ADGRV1: variants seen among roughly 807,000 people sequenced by gnomAD.
ADGRV1 encodes G-protein coupled receptor 98.
A neutral mutation model predicts 596.2 loss-of-function variants in ADGRV1; 359 were observed. That is an observed-to-expected ratio of 0.60 (90% confidence interval 0.55 to 0.66). The LOEUF is 0.66. Ranked by LOEUF, ADGRV1 falls within the 30% of genes least tolerant of loss-of-function variation. The pLI, the probability that ADGRV1 is intolerant of heterozygous loss-of-function variation, is 0.00. For missense variants in ADGRV1, 7,274 were observed against 7,575.6 expected (o/e 0.96, Z 1.48); for synonymous variants, 2,681 against 2,679.2 (o/e 1.00, Z -0.02).
intron 21 of ADGRV1, among the ~76,000 whole-genome samples, chr5:90,665,334 A>G (rs1771141376): frequency 6.6e-6 from 1 of 151,870 alleles, no homozygotes; most frequent in South Asian, 2.1e-4. Context: ...TTCCTGGTTT[A>G]GTCTTGGGAG....
At chr5:91,086,665 T>C (rs1373132417) in intron 86 of ADGRV1, among the ~76,000 whole-genome samples, 2 of 152,190 alleles carry the variant, frequency 1.3e-5, no homozygotes, top group Non-Finnish European at 2.9e-5. Flanking sequence ...CTACTAGAGA[T>C]TCTGTCTCTA....
chr5:90,852,112 A>G (rs1766588711), intron 79 of ADGRV1, among the ~76,000 whole-genome samples: 1 of 152,172 alleles, frequency 6.6e-6, no homozygotes, highest in Non-Finnish European at 1.5e-5. Flanking sequence ...GTGTTTCAAT[A>G]GGAGACATGG....
Position 91,150,145 on chromosome 5 carries a change from C to A in ADGRV1, c.18548C>A (p.Thr6183Lys). Reference protein sequence around the residue: ...GHPGPSTAFFTPGSGMPPAGG... With the variant: ...GHPGPSTAFFKPGSGMPPAGG... ...CCTGGACCCAGCACAGCCTTTTTCA[C>A]GCCCGGGAGTGGAATGCCTCCTGCT... The change falls in exon 88 of 90, where the codon ACG (threonine) becomes AAG (lysine). Residue 6183 changes from threonine (T) to lysine (K), a missense_variant. Transcript: ENST00000405460. 1.9e-6 allele frequency: 3 copies of A among 1,594,358 alleles called. No homozygotes were observed. The highest frequency in any genetic ancestry group is 2.6e-6 in the Non-Finnish European group (3 of 1,171,304).
intron 84 of ADGRV1, among the ~76,000 whole-genome samples, chr5:90,975,353 A>G (rs1213645189): frequency 6.6e-6 from 1 of 152,198 alleles, no homozygotes; most frequent in African/African-American, 2.4e-5. Context: ...GTTACTGGGT[A>G]TATACCCAAA....
intron 1 of ADGRV1, among the ~76,000 whole-genome samples, chr5:90,607,142 CTCAG>C (rs1762202811): frequency 6.6e-6 from 1 of 152,142 alleles, no homozygotes; most frequent in South Asian, 2.1e-4. Context: ...ACAGTTGCAA[CTCAG>C]TTTTGGAGCC....
At chr5:90,654,988 G>C (rs552155628) in intron 20 of ADGRV1, 2 of 152,088 alleles carry the variant, frequency 1.3e-5, no homozygotes, top group Non-Finnish European at 2.9e-5. Flanking sequence ...TGTTATTTTT[G>C]TACTTTGTAA....
At chr5:90,934,945 C>T (rs1405610966) in intron 83 of ADGRV1, among the ~76,000 whole-genome samples, 1 of 152,146 alleles carries the variant, frequency 6.6e-6, no homozygotes, top group Non-Finnish European at 1.5e-5. Flanking sequence ...ATGAGGGCCC[C>T]ACCTTCATAA....
chr5:90,874,067 G>T (rs1768976161), intron 83 of ADGRV1, among the ~76,000 whole-genome samples: 1 of 151,964 alleles, frequency 6.6e-6, no homozygotes, highest in African/African-American at 2.4e-5. Context: ...AAAACTTTTT[G>T]GTGTCTTCCT....
chr5:90,932,875 C>T (rs1775377294), intron 83 of ADGRV1, among the ~76,000 whole-genome samples: 1 of 151,976 alleles, frequency 6.6e-6, no homozygotes, highest in African/African-American at 2.4e-5. Flanking sequence ...AGCAACAAGA[C>T]TGTATAAAAA....
rs1429300842 is a variant in ADGRV1 at position 90,596,048 on chromosome 5, G to T, written c.23-18787G>T. ...ACTTCTCATACGGGGTGGCTGCCGG[G>T]CGGAGGGTCTCCTCACTTCTCAGAC... On this transcript the variant is annotated intron_variant, in intron 1 of 89. Transcript: ENST00000405460. Among the ~76,000 whole-genome samples the T allele has an allele frequency of 1.1e-4, 17 of 150,186 alleles. No homozygotes were observed. The East Asian group carries it at 1.8e-3, about 16-fold the overall frequency.
intron 64 of ADGRV1, chr5:90,779,655 T>C (rs756579391): frequency 2.6e-5 from 4 of 152,194 alleles, no homozygotes; most frequent in Non-Finnish European, 5.9e-5. Flanking sequence ...AATGAGTCTC[T>C]TTCATTCCCT....
In ADGRV1 at chr5:90,684,955, C is replaced by T. The variant is rs115531384; in HGVS notation, c.6274+760C>T. On this transcript the variant is annotated intron_variant, in intron 28 of 89. Transcript: ENST00000405460. ...GCAGCTAGTTTTTGAGGTCAAGGAA[C>T]TAAATTAGTTTCCTACTCAATCTTG... Among the ~76,000 whole-genome samples the T allele has an allele frequency of 1.5e-3, 230 of 152,268 alleles. 1 individual carries two copies. Among genetic ancestry groups the T allele is most frequent in the African/African-American group, 5.4e-3 (224 of 41,542 alleles).
chr5:91,111,284 A>G (rs1476039574), intron 87 of ADGRV1, among the ~76,000 whole-genome samples: 4 of 151,922 alleles, frequency 2.6e-5, no homozygotes, highest in African/African-American at 7.3e-5. Context: ...CTTGTTTTCT[A>G]TGTGTCTCTC....
chr5:90,660,842 G>A (rs1460262700), intron 21 of ADGRV1, among the ~76,000 whole-genome samples: 1 of 152,170 alleles, frequency 6.6e-6, no homozygotes, highest in Admixed American at 6.5e-5. Flanking sequence ...ATCTTAAACA[G>A]ATAATGAAAA....
chr5:90,750,818 A>C, intron 53 of ADGRV1, 121 bp downstream of exon 53: 1 of 658,248 alleles, frequency 1.5e-6, no homozygotes, highest in South Asian at 2.7e-5. Flanking sequence ...CTGAATTCCT[A>C]CTAATCATTG....
chr5:90,590,830 T>A (rs1171998775), intron 1 of ADGRV1, among the ~76,000 whole-genome samples: 1 of 152,232 alleles, frequency 6.6e-6, no homozygotes, highest in East Asian at 1.9e-4. Context: ...TTAAATACTA[T>A]TACTGGAAAA....
At chr5:90,794,188 C>G (rs1046671662) in intron 70 of ADGRV1, among the ~76,000 whole-genome samples, 4 of 152,178 alleles carry the variant, frequency 2.6e-5, no homozygotes, top group African/African-American at 4.8e-5. Context: ...GTATCTAACC[C>G]TCTGTGCTGT....
chr5:90,958,154 A>C (rs926753192), intron 83 of ADGRV1, among the ~76,000 whole-genome samples: 1 of 151,412 alleles, frequency 6.6e-6, no homozygotes, highest in East Asian at 1.9e-4. Flanking sequence ...CCAGTGGTGC[A>C]TGCCTGTAGT....
At chr5:91,021,950 C>T (rs1783665937) in intron 85 of ADGRV1, among the ~76,000 whole-genome samples, 1 of 151,966 alleles carries the variant, frequency 6.6e-6, no homozygotes, top group South Asian at 2.1e-4. Context: ...TGATTGCCTA[C>T]CTGTAAGCAT....
Sources: allele counts gnomAD v4.1 joint callset (sites outside exome capture counted in the v4.1 genomes callset), GRCh38; gene constraint gnomAD v4.1.1; transcripts MANE v1.5; gene names NCBI Gene and HGNC (gene_info 2026-07-23, HGNC 2026-07-21).